RBMS2: variants seen among roughly 807,000 people sequenced by gnomAD.
The protein encoded by RBMS2 is RNA-binding motif, single-stranded-interacting protein 2.
RBMS2 carries 38 observed loss-of-function variants against 58.4 expected under a neutral mutation model. The ratio of observed to expected loss-of-function variants is 0.65; its 90% CI spans 0.50 to 0.85. The LOEUF (loss-of-function observed/expected upper bound fraction) is 0.85. Ranked by LOEUF, RBMS2 falls within the 40% of genes least tolerant of loss-of-function variation. The pLI is 0.00. For missense variants in RBMS2, 367 were observed against 503.7 expected, an observed-to-expected ratio of 0.73 and a Z score of 2.60; for synonymous variants, 151 against 180.7, an observed-to-expected ratio of 0.84 and a Z score of 1.32.
chr12:56,560,413 C>A (rs1053111172), intron 1 of RBMS2, among the ~76,000 whole-genome samples: 17 of 151,910 alleles, frequency 1.1e-4, no homozygotes, highest in Admixed American at 2.6e-4. Context: ...CATGCCACCA[C>A]ACCTGGCTAA....
intron 5 of RBMS2, among the ~76,000 whole-genome samples, chr12:56,575,995 C>A (rs1310201795): frequency 6.6e-6 from 1 of 151,854 alleles, no homozygotes; most frequent in South Asian, 2.1e-4. Flanking sequence ...ATGGAAAAGT[C>A]CAGAAATAGT....
intron 1 of RBMS2, among the ~76,000 whole-genome samples, chr12:56,545,479 T>C (rs1876997851): frequency 6.6e-6 from 1 of 152,212 alleles, no homozygotes; most frequent in South Asian, 2.1e-4. Context: ...TCAGTGGCTC[T>C]TAGTATATGC....
Position 56,581,394 on chromosome 12 carries a change from G to A in RBMS2, c.623-5G>A, listed in dbSNP as rs189413693. 1,471 of 1,614,022 alleles carry A rather than the reference G, an allele frequency of 9.1e-4. No homozygotes were observed. Among genetic ancestry groups the A allele is most frequent in the Non-Finnish European group, 1.2e-3 (1,407 of 1,179,958 alleles). ...CAGCTGCCCATCTGCCTTCTCTCTC[G>A]GCAGCCCCATCCGATCCCTTGCTTT... On this transcript the variant is annotated splice_region_variant and splice_polypyrimidine_tract_variant and intron_variant, in intron 6 of 13. Transcript: ENST00000262031.
At position 56,589,211 on chromosome 12, in the gene RBMS2, T is replaced by C. The variant is rs773244935; in HGVS notation, c.*78T>C. 6.6e-6 allele frequency: 10 copies of C among 1,512,532 alleles called. No homozygotes were observed. Among genetic ancestry groups the C allele is most frequent in the Non-Finnish European group, 8.9e-6 (10 of 1,127,430 alleles). 93.7% of individuals were successfully genotyped at this position (1,512,532 alleles called of 1,614,324 possible). A position where few individuals can be genotyped will look rare whatever the true frequency, so the allele number is the denominator to read the frequency against. ...ACTCATGCTCCCAGATTCCAGAGGG[T>C]TAACCAGGAATGGAGACCATCCGTC... On this transcript the variant is annotated 3_prime_UTR_variant, in exon 14 of 14. Transcript: ENST00000262031.
intron 1 of RBMS2, among the ~76,000 whole-genome samples, chr12:56,558,420 C>T (rs1214613648): frequency 1.3e-5 from 2 of 149,498 alleles, no homozygotes; most frequent in African/African-American, 4.9e-5. Context: ...TACTTTCTTT[C>T]AGAAACATTA....
chr12:56,560,465 G>A (rs536966872), intron 1 of RBMS2, among the ~76,000 whole-genome samples: 138 of 151,146 alleles, frequency 9.1e-4, no homozygotes, highest in Non-Finnish European at 1.8e-3. Context: ...TGTTGCCCAG[G>A]CTGATCTTGA....
At chr12:56,560,637 C>G (rs897049893) in intron 1 of RBMS2, among the ~76,000 whole-genome samples, 1 of 152,162 alleles carries the variant, frequency 6.6e-6, no homozygotes, top group Admixed American at 6.6e-5. Context: ...TCAAGCAATT[C>G]TCTCACCTCA....
rs772313447 is a variant in RBMS2 at position 56,581,528 on chromosome 12, G to A, written c.732+20G>A. 1 of 1,594,654 alleles carries A rather than the reference G, an allele frequency of 6.3e-7. No homozygotes were observed. The highest frequency in any genetic ancestry group is 8.6e-7 in the Non-Finnish European group (1 of 1,162,780). ...GACATGGTAAGAGGACCTCTGAGGA[G>A]ACAGGAGTACTAACGACATTAAAGT... On this transcript the variant is annotated intron_variant, in intron 7 of 13. Coordinates refer to ENST00000262031, the MANE Select transcript of RBMS2 (RefSeq NM_002898.4).
intron 1 of RBMS2, among the ~76,000 whole-genome samples, chr12:56,545,164 A>G (rs1876931562): frequency 6.6e-6 from 1 of 152,098 alleles, no homozygotes; most frequent in South Asian, 2.1e-4. Flanking sequence ...AACATATAAC[A>G]TGCGGTTTTC....
At position 56,595,942 on chromosome 12, in the gene RBMS2, G is replaced by A. The variant is rs1359894923; in HGVS notation, c.*6809G>A. 1.5e-3 allele frequency: 2 copies of A among 1,336 alleles called. No individual in the cohort carries two copies. Among genetic ancestry groups the A allele is most frequent in the African/African-American group, 0.011 (2 of 182 alleles). 0.1% of individuals were successfully genotyped at this position (1,336 alleles called of 1,614,324 possible). ...AGAGTCTTTTGAATCTCTATCAAAT[G>A]TGGTTTTTTTTATTCAACAACTGAC... On this transcript the variant is annotated 3_prime_UTR_variant, in exon 14 of 14. Coordinates refer to ENST00000262031, the MANE Select transcript of RBMS2 (RefSeq NM_002898.4).
At chr12:56,565,626 C>T (rs1881212488) in intron 2 of RBMS2, among the ~76,000 whole-genome samples, 1 of 152,110 alleles carries the variant, frequency 6.6e-6, no homozygotes, top group African/African-American at 2.4e-5. Context: ...AAAGAGGTGC[C>T]AGAGGAGTCC....
At chr12:56,557,631 A>G (rs572542052) in intron 1 of RBMS2, among the ~76,000 whole-genome samples, 3 of 152,244 alleles carry the variant, frequency 2.0e-5, no homozygotes, top group Non-Finnish European at 1.5e-5. Flanking sequence ...GCCTTGTAGT[A>G]AGTTTATTAT....
At chr12:56,569,871 C>G in intron 3 of RBMS2, 28 bp from the exon 4 acceptor site, 1 of 1,572,438 alleles carries the variant, frequency 6.4e-7, no homozygotes, top group Non-Finnish European at 8.8e-7. Flanking sequence ...CCTCCCACTT[C>G]CTAGTGATGC....
intron 1 of RBMS2, 69 bp from the exon 2 acceptor site, chr12:56,562,348 C>A: frequency 1.4e-6 from 2 of 1,436,996 alleles, no homozygotes; most frequent in South Asian, 2.5e-5. Context: ...TCAAGAGGTC[C>A]AGGATCTTCC....
chr12:56,578,907 T>C (rs1883514728), intron 5 of RBMS2, among the ~76,000 whole-genome samples: 1 of 152,066 alleles, frequency 6.6e-6, no homozygotes, highest in African/African-American at 2.4e-5. Flanking sequence ...GAGGTTGCAG[T>C]GAGCCGAGAT....
chr12:56,544,127 T>C (rs914635982), intron 1 of RBMS2, among the ~76,000 whole-genome samples: 4 of 151,476 alleles, frequency 2.6e-5, no homozygotes, highest in Middle Eastern at 3.4e-3. Flanking sequence ...AATACAAAAA[T>C]TAGCCAGGCG....
chr12:56,567,213 C>A (rs1413172253), intron 2 of RBMS2, among the ~76,000 whole-genome samples: 2 of 151,408 alleles, frequency 1.3e-5, no homozygotes, highest in Admixed American at 6.6e-5. Context: ...GGTGAAACCT[C>A]GTCTCTAGTA....
rs895425970 is a variant in RBMS2 at position 56,595,608 on chromosome 12, G to GTGTC, written c.*6477_*6480dup. 2.0e-5 allele frequency: 3 copies of GTGTC among 151,502 alleles called. No homozygotes were observed. The highest frequency in any genetic ancestry group is 7.3e-5 in the African/African-American group (3 of 41,236). The allele number at this position is 151,502 out of a possible 1,614,324, so 9.4% of individuals were successfully genotyped here. A position where few individuals can be genotyped will look rare whatever the true frequency, so the allele number is the denominator to read the frequency against. On this transcript the variant is annotated 3_prime_UTR_variant, in exon 14 of 14. Transcript: ENST00000262031. ...ATAAAACACAAAAGTCTACGTCTTG[G>GTGTC]TGTCTTATCCGTGAGTGGGAAGTGG...
chr12:56,521,427 C>CAA (rs35413431), upstream of RBMS2, among the ~76,000 whole-genome samples: 12,984 of 91,146 alleles, frequency 0.14, 1,130 homozygotes, highest in South Asian at 0.18. Context: ...AACTCTGTCT[C>CAA]AAAAAAAAAA....
Sources: gnomAD v4.1 joint callset for allele counts (sites outside exome capture counted in the v4.1 genomes callset) on GRCh38, gnomAD v4.1.1 for gene constraint, MANE v1.5 for transcripts, NCBI Gene and HGNC (gene_info 2026-07-23, HGNC 2026-07-21) for gene names.